The following MMS19 variants were observed in gnomAD, a reference collection of about 807,000 sequenced individuals.
MMS19 encodes MMS19 cytosolic iron-sulfur assembly component.
A neutral mutation model predicts 129.8 loss-of-function variants in MMS19; 77 were observed. That is an observed-to-expected ratio of 0.59 (90% CI 0.49 to 0.72). MMS19 has a LOEUF of 0.72. MMS19 is among the 30% of genes least tolerant of loss of function. The pLI, the probability that MMS19 is intolerant of heterozygous loss-of-function variation, is 0.00. For synonymous variants in MMS19, 491 were observed against 502.8 expected (o/e 0.98, Z 0.31); for missense variants, 1,168 against 1,266.3 (o/e 0.92, Z 1.18).
chr10:97,475,366 G>C (rs1288636671), intron 8 of MMS19, among the ~76,000 whole-genome samples: 6 of 152,168 alleles, frequency 3.9e-5, no homozygotes, highest in African/African-American at 1.4e-4. Flanking sequence ...AAAGATGGTA[G>C]GGAGATTTCT....
At chr10:97,474,130 C>T (rs551859505) in intron 8 of MMS19, among the ~76,000 whole-genome samples, 8 of 138,946 alleles carry the variant, frequency 5.8e-5, no homozygotes, top group Admixed American at 2.9e-4. Context: ...TCCAGCCTGC[C>T]TCAAAAAAAA....
intron 1 of MMS19, among the ~76,000 whole-genome samples, chr10:97,494,962 G>A (rs2039520999): frequency 6.6e-6 from 1 of 152,222 alleles, no homozygotes; most frequent in African/African-American, 2.4e-5. Context: ...ATGTGGAGAT[G>A]TATACAGCAA....
intron 18 of MMS19, 62 bp downstream of exon 18, chr10:97,465,731 AGCTAGAACCACT>A: frequency 7.1e-7 from 1 of 1,413,310 alleles, no homozygotes; most frequent in South Asian, 1.3e-5. Context: ...GTATAGCTAC[AGCTAGAACCACT>A]GCCTTAGAGA....
intron 21 of MMS19, 31 bp from the exon 22 acceptor site, chr10:97,461,927 G>A (rs1208104952): frequency 1.3e-6 from 2 of 1,586,490 alleles, no homozygotes; most frequent in Non-Finnish European, 1.7e-6. Flanking sequence ...GATCAAGCCT[G>A]CCAGCAATAA....
intron 23 of MMS19, chr10:97,461,264 G>T: frequency 1.6e-6 from 1 of 616,916 alleles, no homozygotes. Context: ...GTAGGGAGTA[G>T]GACGGCAGAA....
intron 8 of MMS19, among the ~76,000 whole-genome samples, chr10:97,471,448 G>A (rs1349391966): frequency 6.6e-6 from 1 of 151,916 alleles, no homozygotes; most frequent in Non-Finnish European, 1.5e-5. Context: ...ACATATATCA[G>A]GTTTTCCTTT....
At chr10:97,493,801 G>T (rs1393800441) in intron 1 of MMS19, among the ~76,000 whole-genome samples, 2 of 152,178 alleles carry the variant, frequency 1.3e-5, no homozygotes, top group Admixed American at 1.3e-4. Flanking sequence ...GATCACCTGA[G>T]GTCGGAAGTT....
chr10:97,463,436 G>C (rs1480254524), intron 19 of MMS19, among the ~76,000 whole-genome samples: 1 of 152,226 alleles, frequency 6.6e-6, no homozygotes, highest in Non-Finnish European at 1.5e-5. Context: ...TGGGATTACA[G>C]GTGTGAACCA....
rs373401043 is a variant in MMS19, at chr10:97,461,490, C to T, written c.2311+6G>A. ...GGAGGCTCCTTACATAGTCTGATCT[C>T]AGTACCTGCAGGGTGCTTGTTGAGG... is the stretch of plus-strand genomic sequence containing the variant. On this transcript the variant is annotated splice_donor_region_variant and intron_variant, in intron 23 of 30. Coordinates refer to ENST00000438925, the MANE Select transcript of MMS19 (RefSeq NM_022362.5). 3 of 1,606,792 alleles carry T rather than the reference C, an allele frequency of 1.9e-6. No homozygotes were observed. Among genetic ancestry groups the T allele is most frequent in the Non-Finnish European group, 2.5e-6 (3 of 1,176,638 alleles).
chr10:97,462,690 A>C lies in MMS19; in HGVS notation c.1913-8T>G, dbSNP rs1210927745. On this transcript the variant is annotated splice_polypyrimidine_tract_variant and splice_region_variant and intron_variant, in intron 19 of 30. Transcript: ENST00000438925. The stretch of plus-strand genomic sequence containing the variant: ...GAACTGAGGGCTCCTTCTCTGCAAA[A>C]CACACACACATGCACACAATCACAA... 1 of 1,588,396 alleles carries C rather than the reference A, an allele frequency of 6.3e-7. No homozygotes were observed. The highest frequency in any genetic ancestry group is 8.6e-7 in the Non-Finnish European group (1 of 1,157,032).
At position 97,486,890 on chromosome 10, in the gene MMS19, T is replaced by TATATATATATAC. The variant is rs1318882121; in HGVS notation, c.113-2740_113-2739insGTATATATATAT. Among the ~76,000 whole-genome samples the TATATATATATAC allele has an allele frequency of 2.4e-5, 3 of 124,612 alleles. 1 individual carries two copies. The highest frequency in any genetic ancestry group is 3.5e-5 in the Non-Finnish European group (2 of 57,384). The allele number at this position is 124,612 out of a possible 152,430, so 81.8% of individuals were successfully genotyped here. ...ATATATATATATATATATATATATA[T>TATATATATATAC]ATATAAAATTAAGACAGGCAAGTTG... On this transcript the variant is annotated intron_variant, in intron 1 of 30. Coordinates refer to ENST00000438925, the MANE Select transcript of MMS19 (RefSeq NM_022362.5).
In MMS19 at chr10:97,460,154, C is replaced by T; in HGVS notation, c.2548G>A (p.Asp850Asn). Residue 850 changes from aspartate (D) to asparagine (N), a missense_variant, in exon 26 of 31, where the codon GAT becomes AAT. Transcript: ENST00000438925. Reference sequence around the variant, plus strand: ...GCATGGCCAGCACGAGTCAGCACATCAGTGCAGTCAGACATGAGCAGAGAG... The same window carrying T: ...GCATGGCCAGCACGAGTCAGCACATTAGTGCAGTCAGACATGAGCAGAGAG... The part of the protein sequence containing the change: ...GFSLLMSDCT[D>N]VLTRAGHAEV... The T allele has an allele frequency of 6.2e-7, 1 of 1,614,032 alleles. No homozygotes were observed. The highest frequency in any genetic ancestry group is 8.5e-7 in the Non-Finnish European group (1 of 1,179,888).
Position 97,466,098 on chromosome 10 carries a change from T to A in MMS19, c.1567A>T (p.Ser523Cys), listed in dbSNP as rs749897258. Residue 523 changes from serine (S) to cysteine (C), a missense_variant, in exon 17 of 31, where the codon AGC becomes TGC. Coordinates refer to ENST00000438925, the MANE Select transcript of MMS19 (RefSeq NM_022362.5). ...LAALYPVAFS[S>C]HLVPKLAEEL... Reference sequence around the variant, plus strand: ...TCAGCGAGCTTGGGTACGAGGTGGCTGCTGAAGGCCACAGGGTAGAGAGCA... The same window carrying A: ...TCAGCGAGCTTGGGTACGAGGTGGCAGCTGAAGGCCACAGGGTAGAGAGCA... 3.1e-6 allele frequency: 5 copies of A among 1,608,134 alleles called. No individual in the cohort carries two copies. The East Asian group carries it at 1.1e-4, about 36-fold the overall frequency.
intron 1 of MMS19, among the ~76,000 whole-genome samples, chr10:97,492,014 T>C (rs1285843933): frequency 6.6e-6 from 1 of 151,594 alleles, no homozygotes; most frequent in African/African-American, 2.4e-5. Flanking sequence ...AGCGCATGCC[T>C]GTAATCCTAG....
intron 5 of MMS19, 151 bp downstream of exon 5, chr10:97,477,704 G>A: frequency 1.5e-6 from 1 of 661,408 alleles, no homozygotes; most frequent in Non-Finnish European, 2.6e-6. Context: ...TAACAAAGAT[G>A]AGCATATAAA....
In MMS19 at chr10:97,458,849, C is replaced by T; in HGVS notation, c.3016G>A (p.Asp1006Asn). 6.2e-7 allele frequency: 1 copy of T among 1,614,028 alleles called. No individual in the cohort carries two copies. The highest frequency in any genetic ancestry group is 8.5e-7 in the Non-Finnish European group (1 of 1,179,890). Reference protein sequence around the residue: ...VIRALAKPLDDKKRLVRKEAV... With the variant: ...VIRALAKPLDNKKRLVRKEAV... Reference sequence around the variant, plus strand: ...TCCTTGCGCACCAGTCTCTTCTTGTCATCCAGGGGTTTGGCTAAGGCCCGA... The same window carrying T: ...TCCTTGCGCACCAGTCTCTTCTTGTTATCCAGGGGTTTGGCTAAGGCCCGA... The change falls in exon 30 of 31, where the codon GAC (aspartate) becomes AAC (asparagine). Residue 1006 changes from aspartate (D) to asparagine (N), a missense_variant. Asp to Asn is a conservative substitution (Grantham distance 23). Transcript: ENST00000438925.
In MMS19 at chr10:97,478,301, C is replaced by A; in HGVS notation, c.348+3G>T. 1 of 1,591,016 alleles carries A rather than the reference C, an allele frequency of 6.3e-7. No homozygotes were observed. Among genetic ancestry groups the A allele is most frequent in the Admixed American group, 1.8e-5 (1 of 56,708 alleles). On this transcript the variant is annotated splice_donor_region_variant and intron_variant, in intron 4 of 30. Coordinates refer to ENST00000438925, the MANE Select transcript of MMS19 (RefSeq NM_022362.5). Reference sequence around the variant, plus strand: ...TTATGTAATGAAATGAAGGAAAACTCACAAGTGCCTTCAAACCCTGCAGGA... The same window carrying A: ...TTATGTAATGAAATGAAGGAAAACTAACAAGTGCCTTCAAACCCTGCAGGA...
At chr10:97,493,974 C>T (rs922814442) in intron 1 of MMS19, among the ~76,000 whole-genome samples, 1 of 152,178 alleles carries the variant, frequency 6.6e-6, no homozygotes, top group African/African-American at 2.4e-5. Flanking sequence ...GAGATCGCAC[C>T]ATTGCACTCC....
rs779217132 is a variant in MMS19, at chr10:97,462,112, C to T, written c.2020G>A (p.Ala674Thr). 4 of 1,575,592 alleles carry T rather than the reference C, an allele frequency of 2.5e-6. No homozygotes were observed. Among genetic ancestry groups the T allele is most frequent in the East Asian group, 4.6e-5 (2 of 43,032 alleles). ...GGCACAATGTGTGTCACACTCTGGG[C>T]AGCTAACCTGGGGGCAGAGTACTAG... ...ATTHLSPELAAQSVTHIVPLF... is the reference protein window; with the variant it reads ...ATTHLSPELATQSVTHIVPLF... The change falls in exon 21 of 31, where the codon GCC becomes ACC. Residue 674 changes from alanine (A) to threonine (T), a missense_variant. By Grantham distance (58) the Ala-to-Thr change is moderately conservative (BLOSUM62 0). Around this residue, in one of 3 missense-constraint regions of MMS19, gnomAD observed 831 missense variants for 910.8 expected, o/e 0.91. Transcript: ENST00000438925.
Sources: gnomAD v4.1 joint callset for allele counts (sites outside exome capture counted in the v4.1 genomes callset) on GRCh38, gnomAD v4.1.1 for gene constraint, gnomAD v4.1.1 regional missense constraint, MANE v1.5 for transcripts, NCBI Gene and HGNC (gene_info 2026-07-23, HGNC 2026-07-21) for gene names.